CADM2: variants seen among roughly 807,000 people sequenced by gnomAD.
The protein encoded by CADM2 is cell adhesion molecule 2, also known as immunoglobulin superfamily member 4D.
In CADM2, 12 loss-of-function variants were observed where a neutral mutation model predicts 49.8. The observed-to-expected ratio is 0.24, with a 90% CI of 0.15 to 0.39. The LOEUF (loss-of-function observed/expected upper bound fraction) is 0.39, where lower values mean the gene tolerates loss of function less well. Among genes scored for constraint, CADM2 ranks in the 10% least tolerant of loss-of-function variants. The pLI is 1.00. For synonymous variants in CADM2, 214 were observed against 175.4 expected, an observed-to-expected ratio of 1.22 and a Z score of -1.74; for missense variants, 378 against 492.3, an observed-to-expected ratio of 0.77 and a Z score of 2.20.
intron 1 of CADM2, among the ~76,000 whole-genome samples, chr3:85,220,609 T>A (rs1271464664): frequency 1.3e-5 from 2 of 152,124 alleles, no homozygotes; most frequent in African/African-American, 4.8e-5. Flanking sequence ...AATAGTCATA[T>A]TAAATTTAAA....
Position 85,838,112 on chromosome 3 carries a change from G to A in CADM2, c.238+35916G>A, listed in dbSNP as rs540558262. Among the ~76,000 whole-genome samples the A allele has an allele frequency of 5.9e-5, 9 of 151,824 alleles. No individual in the cohort carries two copies. The South Asian group carries it at 1.0e-3, about 17-fold the overall frequency. ...TATACATACTCAACTCAAATTTTAA[G>A]TGGTTATCTTATTAATAGTGGTTAA... On this transcript the variant is annotated intron_variant, in intron 3 of 9. Transcript: ENST00000383699.
At chr3:85,475,661 A>G (rs2038947258) in intron 1 of CADM2, among the ~76,000 whole-genome samples, 1 of 151,944 alleles carries the variant, frequency 6.6e-6, no homozygotes, top group Admixed American at 6.6e-5. Context: ...AAATTAATCT[A>G]TAAATAGTCT....
At chr3:85,257,511 CCTAT>C (rs1250334128) in intron 1 of CADM2, among the ~76,000 whole-genome samples, 1 of 152,062 alleles carries the variant, frequency 6.6e-6, no homozygotes, top group Non-Finnish European at 1.5e-5. Context: ...TCTAGTAGGG[CCTAT>C]CTATCCCTCT....
At chr3:85,383,078 ACTG>A (rs1352559367) in intron 1 of CADM2, among the ~76,000 whole-genome samples, 1 of 152,162 alleles carries the variant, frequency 6.6e-6, no homozygotes, top group Non-Finnish European at 1.5e-5. Flanking sequence ...CCACTCAGAC[ACTG>A]CTGACTGTTC....
intron 1 of CADM2, among the ~76,000 whole-genome samples, chr3:85,016,186 T>G (rs1212980397): frequency 1.3e-5 from 2 of 152,138 alleles, no homozygotes; most frequent in Non-Finnish European, 2.9e-5. Context: ...ATTCCTACAC[T>G]TCAAGTGTAG....
chr3:85,147,267 C>G (rs1156406986), intron 1 of CADM2, among the ~76,000 whole-genome samples: 1 of 103,266 alleles, frequency 9.7e-6, no homozygotes, highest in Non-Finnish European at 1.8e-5. Flanking sequence ...CAGAGCCAGA[C>G]TCTGTCTCAA....
At chr3:84,995,165 G>T (rs1037781786) in intron 1 of CADM2, among the ~76,000 whole-genome samples, 3 of 152,114 alleles carry the variant, frequency 2.0e-5, no homozygotes, top group Non-Finnish European at 4.4e-5. Context: ...TAAAACATTT[G>T]AGGCAGCATG....
At chr3:85,554,815 G>C (rs1417093246) in intron 1 of CADM2, among the ~76,000 whole-genome samples, 1 of 109,194 alleles carries the variant, frequency 9.2e-6, no homozygotes, top group Non-Finnish European at 2.2e-5. Context: ...CGAGTAGCTA[G>C]GAGTACAGGT....
chr3:85,562,055 T>A (rs2062110053), intron 1 of CADM2, among the ~76,000 whole-genome samples: 1 of 152,090 alleles, frequency 6.6e-6, no homozygotes, highest in Admixed American at 6.6e-5. Flanking sequence ...TCCATAAAAG[T>A]TGTGTCAACC....
chr3:85,500,296 T>TA (rs1409862370), intron 1 of CADM2, among the ~76,000 whole-genome samples: 20 of 152,172 alleles, frequency 1.3e-4, no homozygotes, highest in South Asian at 2.1e-4. Context: ...TTATTTTCTA[T>TA]AAAAAAATGG....
intron 2 of CADM2, among the ~76,000 whole-genome samples, chr3:85,787,393 T>A (rs577336841): frequency 2.6e-5 from 4 of 152,118 alleles, no homozygotes; most frequent in Non-Finnish European, 5.9e-5. Context: ...AGGTACTTGA[T>A]TGTAAACACA....
chr3:85,386,846 A>G (rs922348287), intron 1 of CADM2, among the ~76,000 whole-genome samples: 1 of 152,192 alleles, frequency 6.6e-6, no homozygotes, highest in African/African-American at 2.4e-5. Flanking sequence ...GCCCAGGACA[A>G]CATGTTTCCC....
In CADM2 at chr3:85,639,846, A is replaced by C. The variant is rs532350466; in HGVS notation, c.62-86676A>C. Among the ~76,000 whole-genome samples the C allele has an allele frequency of 2.0e-5, 3 of 152,044 alleles. No homozygotes were observed. The South Asian group carries it at 6.2e-4, about 32-fold the overall frequency. ...TCTTCAAATAGGACATGAAATAAAT[A>C]AAAAAAATGACATGAAAGGGAATAA... On this transcript the variant is annotated intron_variant, in intron 1 of 9. Coordinates refer to ENST00000383699, the MANE Select transcript of CADM2 (RefSeq NM_001167675.2).
chr3:85,219,618 A>T (rs1215576561), intron 1 of CADM2, among the ~76,000 whole-genome samples: 1 of 152,218 alleles, frequency 6.6e-6, no homozygotes, highest in African/African-American at 2.4e-5. Flanking sequence ...ACTGTGAAAG[A>T]AAATTGTAGT....
At chr3:85,834,987 A>C (rs1258803002) in intron 3 of CADM2, among the ~76,000 whole-genome samples, 1 of 151,634 alleles carries the variant, frequency 6.6e-6, no homozygotes, top group African/African-American at 2.4e-5. Flanking sequence ...GCTATATGTG[A>C]GTGTGCTTGC....
Position 85,292,615 on chromosome 3 carries a change from A to G in CADM2, c.61+332947A>G, listed in dbSNP as rs2043832594. Among the ~76,000 whole-genome samples, 4 of 151,966 alleles carry G rather than the reference A, an allele frequency of 2.6e-5. No individual in the cohort carries two copies. The South Asian group carries it at 8.3e-4, about 32-fold the overall frequency. ...TCTCAGACCACAGTGCAATCAAACT[A>G]GAACTCAGGATTAAGAATCTCACTC... is the stretch of plus-strand genomic sequence containing the variant. On this transcript the variant is annotated intron_variant, in intron 1 of 9. Transcript: ENST00000383699.
At chr3:85,057,403 A>G (rs1289951820) in intron 1 of CADM2, among the ~76,000 whole-genome samples, 1 of 152,088 alleles carries the variant, frequency 6.6e-6, no homozygotes, top group African/African-American at 2.4e-5. Context: ...AATTCAGGAT[A>G]CACATCAGGA....
intron 1 of CADM2, among the ~76,000 whole-genome samples, chr3:85,639,708 G>A (rs2064645866): frequency 6.6e-6 from 1 of 152,016 alleles, no homozygotes; most frequent in Non-Finnish European, 1.5e-5. Flanking sequence ...TTTGGAGAAC[G>A]GCTTCTAATA....
chr3:85,900,231 A>T (rs1022318005), intron 5 of CADM2, among the ~76,000 whole-genome samples: 2 of 152,170 alleles, frequency 1.3e-5, no homozygotes, highest in Non-Finnish European at 2.9e-5. Flanking sequence ...CTAGACTAGA[A>T]GGAGTAGTCT....
Sources: allele counts gnomAD v4.1 joint callset (sites outside exome capture counted in the v4.1 genomes callset), GRCh38; gene constraint gnomAD v4.1.1; transcripts MANE v1.5; gene names NCBI Gene and HGNC (gene_info 2026-07-23, HGNC 2026-07-21).